SH3RF3: variants seen among roughly 807,000 people sequenced by gnomAD.
SH3RF3 encodes the protein SH3 domain containing ring finger 3.
Under a neutral mutation model 66.3 loss-of-function variants are expected in SH3RF3, and 29 were observed. The observed-to-expected ratio is 0.44, with a 90% CI of 0.33 to 0.60. SH3RF3 has a LOEUF of 0.60. Among genes scored for constraint, SH3RF3 ranks in the 20% least tolerant of loss-of-function variants. SH3RF3 has a pLI of 0.04. For missense variants in SH3RF3, 1,194 were observed against 1,190.9 expected (o/e 1.00, Z -0.04); for synonymous variants, 583 against 532.0 (o/e 1.10, Z -1.32).
chr2:109,142,327 C>A (rs1306396782), intron 1 of SH3RF3, among the ~76,000 whole-genome samples: 1 of 152,136 alleles, frequency 6.6e-6, no homozygotes, highest in African/African-American at 2.4e-5. Context: ...CTTAAAAATT[C>A]CCATGCATGT....
At chr2:109,392,570 G>A (rs926271436) in intron 3 of SH3RF3, among the ~76,000 whole-genome samples, 21 of 151,944 alleles carry the variant, frequency 1.4e-4, no homozygotes, top group South Asian at 1.0e-3. Context: ...GTGCAGTGGC[G>A]TGATCTTGGC....
chr2:109,272,475 C>T (rs745661658), intron 1 of SH3RF3, among the ~76,000 whole-genome samples: 3 of 152,210 alleles, frequency 2.0e-5, no homozygotes, highest in African/African-American at 7.2e-5. Context: ...GTGTGTGGGA[C>T]GCAGGGAGCC....
At position 109,130,053 on chromosome 2, in the gene SH3RF3, G is replaced by GGGCAGCACCGCC; in HGVS notation, c.519_530dup (p.Thr174_Ser177dup). 3.7e-6 allele frequency: 5 copies of GGGCAGCACCGCC among 1,367,036 alleles called. No individual in the cohort carries two copies. The highest frequency in any genetic ancestry group is 2.7e-4 in the Middle Eastern group (1 of 3,694). The allele number at this position is 1,367,036 out of a possible 1,614,324, so 84.7% of individuals were successfully genotyped here. On this transcript the variant is annotated inframe_insertion, in exon 1 of 10. Transcript: ENST00000309415. Reference sequence around the variant, plus strand: ...CCCCGGTTTTCCTCTCCGCGGCCGCGGGCAGCACCGCCGGCAGTCTGCGGG... The same window carrying GGGCAGCACCGCC: ...CCCCGGTTTTCCTCTCCGCGGCCGCGGGCAGCACCGCCGGCAGCACCGCCGGCAGTCTGCGGG...
chr2:109,257,400 G>A (rs1296506434), intron 1 of SH3RF3, among the ~76,000 whole-genome samples: 1 of 151,384 alleles, frequency 6.6e-6, no homozygotes, highest in African/African-American at 2.4e-5. Context: ...GAAGGAGGGA[G>A]AGGAAGGGAA....
chr2:109,201,130 G>C (rs886577213), intron 1 of SH3RF3, among the ~76,000 whole-genome samples: 24 of 152,336 alleles, frequency 1.6e-4, no homozygotes, highest in African/African-American at 5.5e-4. Context: ...TTTTATATCA[G>C]GTACGGCTCT....
At chr2:109,142,844 T>G (rs930193524) in intron 1 of SH3RF3, among the ~76,000 whole-genome samples, 39 of 152,184 alleles carry the variant, frequency 2.6e-4, no homozygotes, top group African/African-American at 9.2e-4. Flanking sequence ...TGGGACGTTT[T>G]CACTCTCTAA....
intron 2 of SH3RF3, among the ~76,000 whole-genome samples, chr2:109,352,816 C>T (rs1226987129): frequency 1.3e-5 from 2 of 152,224 alleles, no homozygotes; most frequent in Non-Finnish European, 2.9e-5. Flanking sequence ...AGAGCACCCT[C>T]TTAGCCACTA....
chr2:109,428,515 C>T (rs899827178), intron 5 of SH3RF3, among the ~76,000 whole-genome samples: 1 of 152,234 alleles, frequency 6.6e-6, no homozygotes, highest in Non-Finnish European at 1.5e-5. Flanking sequence ...TGGTGAGCCC[C>T]TGGCCCCATG....
chr2:109,235,992 G>A (rs1033083632), intron 1 of SH3RF3, among the ~76,000 whole-genome samples: 3 of 152,032 alleles, frequency 2.0e-5, no homozygotes, highest in Non-Finnish European at 4.4e-5. Context: ...TTAAGAGGCT[G>A]TGGGGTTGGT....
chr2:109,187,565 T>C (rs1298848449), intron 1 of SH3RF3, among the ~76,000 whole-genome samples: 1 of 152,204 alleles, frequency 6.6e-6, no homozygotes, highest in Admixed American at 6.5e-5. Context: ...AGGTGTCTAG[T>C]ACAGTCCATG....
At chr2:109,484,661 T>C (rs1239028052) in intron 8 of SH3RF3, among the ~76,000 whole-genome samples, 2 of 152,196 alleles carry the variant, frequency 1.3e-5, no homozygotes, top group Admixed American at 1.3e-4. Context: ...CCTTTTTATT[T>C]TTCCCCTCTT....
intron 8 of SH3RF3, among the ~76,000 whole-genome samples, chr2:109,456,221 C>T (rs145515540): frequency 6.2e-4 from 94 of 152,304 alleles, no homozygotes; most frequent in African/African-American, 2.2e-3. Context: ...GTGGCACTGG[C>T]GTTGGCTGGG....
At chr2:109,345,551 G>A (rs1051759749) in intron 1 of SH3RF3, among the ~76,000 whole-genome samples, 7 of 152,152 alleles carry the variant, frequency 4.6e-5, no homozygotes, top group Non-Finnish European at 7.3e-5. Flanking sequence ...GACAGATAAA[G>A]GTTTTTTGTG....
chr2:109,350,125 A>G (rs1239626557), intron 2 of SH3RF3, among the ~76,000 whole-genome samples: 2 of 152,190 alleles, frequency 1.3e-5, no homozygotes, highest in East Asian at 3.9e-4. Context: ...TCCATATTTC[A>G]CAAGAAACAG....
chr2:109,267,640 A>T (rs112360569), intron 1 of SH3RF3, among the ~76,000 whole-genome samples: 2,211 of 152,012 alleles, frequency 0.015, 43 homozygotes, highest in African/African-American at 0.051. Context: ...CAGGGGAGCC[A>T]CTCCCAGCTG....
At chr2:109,238,806 G>T (rs934100866) in intron 1 of SH3RF3, among the ~76,000 whole-genome samples, 1 of 152,074 alleles carries the variant, frequency 6.6e-6, no homozygotes, top group African/African-American at 2.4e-5. Flanking sequence ...GATGAAACCC[G>T]GCGAGGTGTG....
intron 8 of SH3RF3, among the ~76,000 whole-genome samples, chr2:109,460,555 C>A (rs1377904307): frequency 6.6e-6 from 1 of 152,228 alleles, no homozygotes; most frequent in Non-Finnish European, 1.5e-5. Flanking sequence ...AGGAAAGAGG[C>A]TCAGTCATTG....
chr2:109,329,511 A>G, intron 1 of SH3RF3, among the ~76,000 whole-genome samples: 1 of 152,184 alleles, frequency 6.6e-6, no homozygotes, highest in East Asian at 1.9e-4. Context: ...CTGGAGAACA[A>G]CTGAACACAT....
intron 1 of SH3RF3, among the ~76,000 whole-genome samples, chr2:109,286,546 G>C (rs1681034307): frequency 6.6e-6 from 1 of 152,186 alleles, no homozygotes. Context: ...CCAGAGCCAG[G>C]GGTTTGCTCC....
Sources: gnomAD v4.1 joint callset for allele counts (sites outside exome capture counted in the v4.1 genomes callset) on GRCh38, gnomAD v4.1.1 for gene constraint, MANE v1.5 for transcripts, NCBI Gene and HGNC (gene_info 2026-07-23, HGNC 2026-07-21) for gene names.